The following RBFOX1 variants were observed in gnomAD, a reference collection of about 807,000 sequenced individuals.
RBFOX1 encodes the protein RNA binding protein fox-1 homolog 1.
RBFOX1 carries 8 observed loss-of-function variants against 57.7 expected under a neutral mutation model. The observed-to-expected ratio is 0.14, with a 90% CI of 0.08 to 0.25. RBFOX1 has a LOEUF of 0.25. RBFOX1 is among the 10% of genes least tolerant of loss of function. The pLI, the probability that RBFOX1 is intolerant of heterozygous loss-of-function variation, is 1.00. For missense variants in RBFOX1, 611 were observed against 548.5 expected (o/e 1.11, Z -1.14); for synonymous variants, 326 against 222.4 (o/e 1.47, Z -4.15).
chr16:6,955,956 T>C (rs571223822), intron 3 of RBFOX1, among the ~76,000 whole-genome samples: 153 of 150,952 alleles, frequency 1.0e-3, no homozygotes, highest in South Asian at 2.9e-3. Flanking sequence ...TCCAACCACC[T>C]TGGCCTCCCG....
Position 6,657,303 on chromosome 16 carries a change from A to G in RBFOX1, c.-16+2653A>G, listed in dbSNP as rs555281913. Among the ~76,000 whole-genome samples, 6 of 151,856 alleles carry G rather than the reference A, an allele frequency of 4.0e-5. No homozygotes were observed. The South Asian group carries it at 1.0e-3, about 26-fold the overall frequency. ...CGCTATAGTTTCTCTGTTTCTAACA[A>G]TTGTTAAGAAGAGATTGGGAGTGAG... On this transcript the variant is annotated intron_variant, in intron 3 of 15. Coordinates refer to ENST00000550418, the MANE Select transcript of RBFOX1 (RefSeq NM_018723.4).
At chr16:7,148,515 A>G (rs889485966) in intron 4 of RBFOX1, among the ~76,000 whole-genome samples, 1 of 152,218 alleles carries the variant, frequency 6.6e-6, no homozygotes, top group Non-Finnish European at 1.5e-5. Flanking sequence ...GTATACATTT[A>G]ACATATTAAG....
intron 4 of RBFOX1, among the ~76,000 whole-genome samples, chr16:7,491,980 C>T (rs1041514129): frequency 5.3e-5 from 8 of 152,242 alleles, no homozygotes; most frequent in East Asian, 1.9e-4. Context: ...ATGTTCCTAA[C>T]GCCTAGGCTG....
At chr16:7,323,086 G>C (rs577814894) in intron 4 of RBFOX1, among the ~76,000 whole-genome samples, 1 of 152,254 alleles carries the variant, frequency 6.6e-6, no homozygotes, top group East Asian at 1.9e-4. Context: ...TGACTAAGGG[G>C]TGGAGAGTAA....
intron 1 of RBFOX1, among the ~76,000 whole-genome samples, chr16:6,265,377 T>G (rs1218672214): frequency 6.6e-6 from 1 of 152,088 alleles, no homozygotes; most frequent in Non-Finnish European, 1.5e-5. Flanking sequence ...TTCTCCTGCC[T>G]CAGCCTCCCG....
chr16:7,707,768 C>G (rs960825554), intron 14 of RBFOX1, among the ~76,000 whole-genome samples: 2 of 152,178 alleles, frequency 1.3e-5, no homozygotes, highest in African/African-American at 2.4e-5. Context: ...CCTGCTGTAG[C>G]ATGAAACCCA....
At chr16:6,028,509 T>TAAAAAAAAAAAAAAAAAAAAAAAAAAAA (rs36218292) in intron 1 of RBFOX1, among the ~76,000 whole-genome samples, 1 of 104,520 alleles carries the variant, frequency 9.6e-6, no homozygotes, top group African/African-American at 3.5e-5. Flanking sequence ...CTGTCTCTGT[T>TAAAAAAAAAAAAAAAAAAAAAAAAAAAA]AAAAAAAAAA....
intron 4 of RBFOX1, among the ~76,000 whole-genome samples, chr16:7,486,576 T>C (rs900304403): frequency 6.6e-6 from 1 of 152,126 alleles, no homozygotes; most frequent in African/African-American, 2.4e-5. Flanking sequence ...GGCTTGAGGA[T>C]TCAGGGGAAG....
chr16:7,447,033 T>G (rs2098814120), intron 4 of RBFOX1, among the ~76,000 whole-genome samples: 1 of 151,670 alleles, frequency 6.6e-6, no homozygotes, highest in Non-Finnish European at 1.5e-5. Context: ...AGGATGGTCT[T>G]GATCTCATGA....
intron 1 of RBFOX1, among the ~76,000 whole-genome samples, chr16:5,349,153 C>A (rs994758352): frequency 6.6e-6 from 1 of 152,080 alleles, no homozygotes; most frequent in African/African-American, 2.4e-5. Flanking sequence ...ATGGCTGAAC[C>A]TGAAGGACAT....
chr16:7,268,383 G>A (rs766581496), intron 4 of RBFOX1, among the ~76,000 whole-genome samples: 36 of 152,272 alleles, frequency 2.4e-4, no homozygotes, highest in Middle Eastern at 3.4e-3. Flanking sequence ...TGGAGGACTC[G>A]CTCTCACTCT....
intron 5 of RBFOX1, among the ~76,000 whole-genome samples, chr16:7,524,836 C>A: frequency 6.6e-6 from 1 of 152,164 alleles, no homozygotes; most frequent in Non-Finnish European, 1.5e-5. Context: ...CATGCCAGTT[C>A]TGATTTTGAA....
At chr16:6,620,529 C>G (rs1399250729) in intron 2 of RBFOX1, among the ~76,000 whole-genome samples, 1 of 151,890 alleles carries the variant, frequency 6.6e-6, no homozygotes, top group Non-Finnish European at 1.5e-5. Flanking sequence ...ACACGAAAAA[C>G]CATTCAAAAG....
intron 3 of RBFOX1, among the ~76,000 whole-genome samples, chr16:6,665,424 G>A (rs879911814): frequency 6.6e-6 from 1 of 152,132 alleles, no homozygotes; most frequent in Non-Finnish European, 1.5e-5. Context: ...GACCAGCCAG[G>A]ACAACATGGT....
chr16:6,969,529 G>A (rs925664627), intron 3 of RBFOX1, among the ~76,000 whole-genome samples: 3 of 151,976 alleles, frequency 2.0e-5, no homozygotes, highest in Non-Finnish European at 4.4e-5. Context: ...GAGCTCGGGA[G>A]TTTGAGACCA....
At chr16:6,998,595 T>G (rs182277759) in intron 3 of RBFOX1, among the ~76,000 whole-genome samples, 324 of 152,294 alleles carry the variant, frequency 2.1e-3, no homozygotes, top group African/African-American at 7.2e-3. Flanking sequence ...GGTTATATCA[T>G]TGTGATCGAT....
intron 14 of RBFOX1, among the ~76,000 whole-genome samples, chr16:7,688,252 T>A (rs377063748): frequency 2.2e-3 from 238 of 109,970 alleles, no homozygotes; most frequent in East Asian, 0.01. Flanking sequence ...TGTGTGTGTG[T>A]GTGTGTGTGA....
chr16:5,790,393 C>T (rs559391687), intron 3 of RBFOX1, among the ~76,000 whole-genome samples: 59 of 151,880 alleles, frequency 3.9e-4, no homozygotes, highest in African/African-American at 1.1e-3. Flanking sequence ...AGGATGGGGC[C>T]GTAGGAATGG....
chr16:7,431,629 C>T (rs1050112384), intron 4 of RBFOX1, among the ~76,000 whole-genome samples: 1 of 152,196 alleles, frequency 6.6e-6, no homozygotes, highest in Non-Finnish European at 1.5e-5. Flanking sequence ...AATGCAACCG[C>T]CATCACTGTC....
Sources: gnomAD v4.1 joint callset for allele counts (sites outside exome capture counted in the v4.1 genomes callset) on GRCh38, gnomAD v4.1.1 for gene constraint, MANE v1.5 for transcripts, NCBI Gene and HGNC (gene_info 2026-07-23, HGNC 2026-07-21) for gene names.